Variants in RALYL observed in about 807,000 individuals in gnomAD.
RALYL encodes RNA-binding Raly-like protein.
A neutral mutation model predicts 35.1 loss-of-function variants in RALYL; 29 were observed. That is an observed-to-expected ratio of 0.83 (90% CI 0.61 to 1.13). RALYL has a LOEUF of 1.13. Among genes scored for constraint, RALYL ranks in the 50% most tolerant of loss-of-function variants. The pLI is 0.00. For synonymous variants in RALYL, 120 were observed against 127.6 expected, an observed-to-expected ratio of 0.94 and a Z score of 0.40; for missense variants, 359 against 360.4, an observed-to-expected ratio of 1.00 and a Z score of 0.03.
intron 1 of RALYL, among the ~76,000 whole-genome samples, chr8:84,327,503 G>A (rs1846021335): frequency 6.6e-6 from 1 of 152,092 alleles, no homozygotes; most frequent in South Asian, 2.1e-4. Context: ...AGGGTCCATA[G>A]GCCATATCTG....
chr8:84,553,037 A>G (rs1365130056), intron 2 of RALYL, among the ~76,000 whole-genome samples: 1 of 152,238 alleles, frequency 6.6e-6, no homozygotes, highest in Non-Finnish European at 1.5e-5. Context: ...ATGCAATTAT[A>G]TGGAAAAATA....
At chr8:84,455,025 C>T (rs2049972260) in intron 1 of RALYL, among the ~76,000 whole-genome samples, 1 of 151,944 alleles carries the variant, frequency 6.6e-6, no homozygotes. Context: ...ATTGGGGTAA[C>T]TATACATAGT....
At chr8:84,208,553 T>C (rs1035721496) in intron 1 of RALYL, among the ~76,000 whole-genome samples, 8 of 152,144 alleles carry the variant, frequency 5.3e-5, no homozygotes, top group Non-Finnish European at 4.4e-5. Context: ...TTCTCAAGAA[T>C]AGAGAAACTT....
chr8:84,478,903 C>G (rs1376151903), intron 1 of RALYL, among the ~76,000 whole-genome samples: 8 of 90,998 alleles, frequency 8.8e-5, no homozygotes, highest in Non-Finnish European at 1.8e-4. Flanking sequence ...TGGCTAACAC[C>G]GTGAAACCCC....
At chr8:84,431,358 AT>A (rs999991091) in intron 1 of RALYL, among the ~76,000 whole-genome samples, 4 of 151,294 alleles carry the variant, frequency 2.6e-5, no homozygotes, top group African/African-American at 7.3e-5. Context: ...CAAAGTTAGG[AT>A]TTTTTTTTCG....
intron 1 of RALYL, among the ~76,000 whole-genome samples, chr8:84,282,776 GTGTA>G (rs1836846773): frequency 7.3e-6 from 1 of 137,208 alleles, no homozygotes; most frequent in African/African-American, 2.6e-5. Flanking sequence ...GTGTGTGTGT[GTGTA>G]TACATATATA....
intron 7 of RALYL, among the ~76,000 whole-genome samples, chr8:84,885,618 G>T (rs145571510): frequency 6.6e-6 from 1 of 152,108 alleles, no homozygotes; most frequent in African/African-American, 2.4e-5. Context: ...ACATCAAGGC[G>T]TGTATAGCTT....
chr8:84,632,195 A>G lies in RALYL; in HGVS notation c.256+102618A>G, dbSNP rs184851150. Among the ~76,000 whole-genome samples, 5 of 152,016 alleles carry G rather than the reference A, an allele frequency of 3.3e-5. No homozygotes were observed. In the East Asian group the frequency reaches 5.8e-4, roughly 18 times the overall value. The stretch of plus-strand genomic sequence containing the variant: ...AAGGCAGGACCTCATAAGACACAGA[A>G]TCTGCCAGTGGCTTGACTTGGACCT... On this transcript the variant is annotated intron_variant, in intron 2 of 8. Transcript: ENST00000521268.
At chr8:84,558,865 A>G (rs1380146863) in intron 2 of RALYL, among the ~76,000 whole-genome samples, 3 of 152,088 alleles carry the variant, frequency 2.0e-5, no homozygotes, top group Admixed American at 6.6e-5. Flanking sequence ...CCTGAAACAC[A>G]TCATTCTCTT....
intron 1 of RALYL, 21 bp from the exon 2 acceptor site, chr8:84,529,278 T>C: frequency 3.2e-6 from 5 of 1,546,766 alleles, no homozygotes; most frequent in Non-Finnish European, 4.4e-6. Flanking sequence ...TTTGTTTTGT[T>C]TGTTTGTTTG....
chr8:84,229,161 G>C (rs578120259), intron 1 of RALYL, among the ~76,000 whole-genome samples: 1 of 152,114 alleles, frequency 6.6e-6, no homozygotes, highest in Admixed American at 6.6e-5. Context: ...CAGCCATTTT[G>C]GTGGCCGAAA....
intron 1 of RALYL, among the ~76,000 whole-genome samples, chr8:84,236,698 A>C (rs371621125): frequency 6.6e-6 from 1 of 152,138 alleles, no homozygotes; most frequent in African/African-American, 2.4e-5. Flanking sequence ...ATCACTCACT[A>C]TACTTTTCCA....
chr8:84,763,547 T>G (rs536052792), intron 2 of RALYL, among the ~76,000 whole-genome samples: 2 of 152,298 alleles, frequency 1.3e-5, no homozygotes, highest in African/African-American at 4.8e-5. Context: ...ATTTGTCAAA[T>G]TGTTAAGCAA....
At chr8:84,558,444 GT>G (rs770543303) in intron 2 of RALYL, among the ~76,000 whole-genome samples, 2 of 152,188 alleles carry the variant, frequency 1.3e-5, no homozygotes, top group South Asian at 4.1e-4. Flanking sequence ...AATCAGCCTA[GT>G]TGTTTCACTT....
chr8:84,317,958 A>G (rs958416174), intron 1 of RALYL, among the ~76,000 whole-genome samples: 1 of 151,872 alleles, frequency 6.6e-6, no homozygotes, highest in Admixed American at 6.6e-5. Context: ...TCTATCACCA[A>G]TATTTTCTGT....
intron 8 of RALYL, among the ~76,000 whole-genome samples, chr8:84,889,087 A>G (rs970310445): frequency 7.9e-5 from 12 of 152,142 alleles, no homozygotes; most frequent in African/African-American, 2.9e-4. Flanking sequence ...TGAACTTTTA[A>G]CAACCACCCC....
intron 8 of RALYL, among the ~76,000 whole-genome samples, chr8:84,914,312 G>A (rs1415532874): frequency 6.6e-6 from 1 of 151,914 alleles, no homozygotes; most frequent in South Asian, 2.1e-4. Context: ...ATCATTTCTA[G>A]CATTGGGAGT....
At chr8:84,243,014 A>G (rs116453446) in intron 1 of RALYL, among the ~76,000 whole-genome samples, 6,092 of 152,154 alleles carry the variant, frequency 0.04, 178 homozygotes, top group African/African-American at 0.078. Flanking sequence ...GTTAACTTTT[A>G]TATAAGGTGT....
intron 1 of RALYL, among the ~76,000 whole-genome samples, chr8:84,323,735 C>T (rs1412638316): frequency 6.6e-6 from 1 of 151,938 alleles, no homozygotes; most frequent in Non-Finnish European, 1.5e-5. Flanking sequence ...TATTAAATTC[C>T]AGGGTGTTAC....
Sources: allele counts gnomAD v4.1 joint callset (sites outside exome capture counted in the v4.1 genomes callset), GRCh38; gene constraint gnomAD v4.1.1; transcripts MANE v1.5; gene names NCBI Gene and HGNC (gene_info 2026-07-23, HGNC 2026-07-21).